The following XRCC4 variants were observed in gnomAD, a reference collection of about 807,000 sequenced individuals.
XRCC4 encodes the protein X-ray repair cross complementing 4, also known as DNA repair protein XRCC4.
In XRCC4, 28 loss-of-function variants were observed where a neutral mutation model predicts 39.1. The observed-to-expected ratio is 0.72, with a 90% confidence interval of 0.53 to 0.98. The LOEUF (loss-of-function observed/expected upper bound fraction) is 0.98, where lower values mean the gene tolerates loss of function less well. Among genes scored for constraint, XRCC4 ranks in the 50% least tolerant of loss-of-function variants. XRCC4 has a pLI of 0.00. For synonymous variants in XRCC4, 123 were observed against 126.4 expected (o/e 0.97, Z 0.18); for missense variants, 350 against 376.4 (o/e 0.93, Z 0.58).
At chr5:83,234,192 C>T (rs1281483842) in intron 6 of XRCC4, among the ~76,000 whole-genome samples, 3 of 152,138 alleles carry the variant, frequency 2.0e-5, no homozygotes, top group East Asian at 1.9e-4. Context: ...GGAAAGTCTA[C>T]AATGTGCCAG....
chr5:83,140,882 C>T (rs2112517632), intron 3 of XRCC4, among the ~76,000 whole-genome samples: 1 of 152,214 alleles, frequency 6.6e-6, no homozygotes, highest in African/African-American at 2.4e-5. Context: ...CAGAGATGTG[C>T]CACTGCACTC....
In XRCC4 at chr5:83,118,526, TTTTACTATTATG is replaced by T. The variant is rs1353799960; in HGVS notation, c.315+7326_315+7337del. 2.6e-5 allele frequency among the ~76,000 whole-genome samples: 4 copies of T among 152,316 alleles called. No individual in the cohort carries two copies. The East Asian group carries it at 7.7e-4, about 29-fold the overall frequency. ...TCATAGTCCAAGATGACTTGTCTAGTTTTACTATTATGTTCACCTTTGAGGCAGCAGGACCCA... is the reference window on the plus strand; with the variant it reads ...TCATAGTCCAAGATGACTTGTCTAGTTTCACCTTTGAGGCAGCAGGACCCA... On this transcript the variant is annotated intron_variant, in intron 3 of 7. Transcript: ENST00000396027.
At chr5:83,341,437 G>A (rs79761441) in intron 7 of XRCC4, among the ~76,000 whole-genome samples, 1 of 152,032 alleles carries the variant, frequency 6.6e-6, no homozygotes, top group Non-Finnish European at 1.5e-5. Context: ...CTAATTAACA[G>A]GTTTCCCAAT....
intron 7 of XRCC4, among the ~76,000 whole-genome samples, chr5:83,305,544 T>C (rs1175318305): frequency 1.3e-5 from 2 of 151,812 alleles, no homozygotes; most frequent in African/African-American, 2.4e-5. Flanking sequence ...TTCAAAGAAC[T>C]TCTGTTCTGA....
intron 7 of XRCC4, among the ~76,000 whole-genome samples, chr5:83,295,317 A>G (rs1009614238): frequency 3.3e-5 from 5 of 152,074 alleles, no homozygotes; most frequent in African/African-American, 7.2e-5. Flanking sequence ...TGATATGCAT[A>G]TAGAATAATC....
chr5:83,080,785 C>T (rs536721663), intron 1 of XRCC4, among the ~76,000 whole-genome samples: 13 of 152,190 alleles, frequency 8.5e-5, no homozygotes, highest in South Asian at 2.1e-4. Flanking sequence ...AGAGTAACGA[C>T]GCTGGCAATT....
chr5:83,327,637 G>A (rs1756307693), intron 7 of XRCC4, among the ~76,000 whole-genome samples: 1 of 151,936 alleles, frequency 6.6e-6, no homozygotes, highest in Admixed American at 6.6e-5. Context: ...TTGTCAATCA[G>A]TTATCAATAA....
At chr5:83,261,452 G>C (rs1753746005) in intron 7 of XRCC4, among the ~76,000 whole-genome samples, 1 of 151,820 alleles carries the variant, frequency 6.6e-6, no homozygotes, top group African/African-American at 2.4e-5. Context: ...CTAAACTTAA[G>C]TTTCCTAGGC....
chr5:83,094,282 C>T (rs1277733253), intron 1 of XRCC4, among the ~76,000 whole-genome samples: 2 of 140,790 alleles, frequency 1.4e-5, no homozygotes, highest in Non-Finnish European at 3.1e-5. Context: ...CATAGGCTCC[C>T]CTCCCCTCCT....
chr5:83,190,587 T>C (rs1336936520), intron 3 of XRCC4, among the ~76,000 whole-genome samples: 1 of 152,206 alleles, frequency 6.6e-6, no homozygotes, highest in South Asian at 2.1e-4. Flanking sequence ...ACTTTGATAA[T>C]ATATTGAAAC....
chr5:83,277,033 T>C (rs963691555), intron 7 of XRCC4, among the ~76,000 whole-genome samples: 8 of 151,722 alleles, frequency 5.3e-5, no homozygotes, highest in African/African-American at 1.9e-4. Context: ...ACATAATTTA[T>C]TTATTTAAAT....
chr5:83,330,747 T>G (rs531825210), intron 7 of XRCC4, among the ~76,000 whole-genome samples: 3 of 152,156 alleles, frequency 2.0e-5, no homozygotes, highest in African/African-American at 7.2e-5. Context: ...AAATATTACA[T>G]AAAATATTTT....
chr5:83,216,349 C>T (rs1414607340), intron 6 of XRCC4, among the ~76,000 whole-genome samples: 1 of 152,172 alleles, frequency 6.6e-6, no homozygotes, highest in Non-Finnish European at 1.5e-5. Context: ...CTTGAATCCT[C>T]ATACATTTCT....
chr5:83,187,186 G>A lies in XRCC4; in HGVS notation c.316-8584G>A, dbSNP rs1437358414. On this transcript the variant is annotated intron_variant, in intron 3 of 7. Coordinates refer to ENST00000396027, the MANE Select transcript of XRCC4 (RefSeq NM_003401.5). Reference sequence around the variant, plus strand: ...TCTCGATCTCCTGACCTCATGATCCGCCCGCCTCTGCCTCCCAAAGTGCTG... The same window carrying A: ...TCTCGATCTCCTGACCTCATGATCCACCCGCCTCTGCCTCCCAAAGTGCTG... Among the ~76,000 whole-genome samples, 2 of 138,306 alleles carry A rather than the reference G, an allele frequency of 1.4e-5. 1 individual carries two copies. The highest frequency in any genetic ancestry group is 1.4e-4 in the Admixed American group (2 of 14,158). The allele number at this position is 138,306 out of a possible 152,430, so 90.7% of individuals were successfully genotyped here.
At chr5:83,309,296 A>AAAAAAAAAATATATAT (rs1561467702) in intron 7 of XRCC4, among the ~76,000 whole-genome samples, 1 of 72,228 alleles carries the variant, frequency 1.4e-5, no homozygotes, top group Non-Finnish European at 2.1e-5. Context: ...AAAAAAAAAA[A>AAAAAAAAAATATATAT]ATATATATAT....
At chr5:83,176,048 A>G (rs1370051680) in intron 3 of XRCC4, among the ~76,000 whole-genome samples, 1 of 151,898 alleles carries the variant, frequency 6.6e-6, no homozygotes, top group Non-Finnish European at 1.5e-5. Flanking sequence ...TAATAATAAT[A>G]ATAATGATTT....
the XRCC4 span, among the ~76,000 whole-genome samples, chr5:83,367,258 TAC>T: frequency 2.0e-5 from 3 of 152,224 alleles, no homozygotes; most frequent in South Asian, 6.2e-4. Flanking sequence ...TTGTCTAAAG[TAC>T]AACATCAGAC....
chr5:83,190,381 A>G (rs939618594), intron 3 of XRCC4, among the ~76,000 whole-genome samples: 4 of 152,188 alleles, frequency 2.6e-5, no homozygotes, highest in Non-Finnish European at 4.4e-5. Flanking sequence ...TTTAGTATAC[A>G]TATATCTTGA....
At chr5:83,093,265 A>T (rs1192152559) in intron 1 of XRCC4, among the ~76,000 whole-genome samples, 1 of 152,216 alleles carries the variant, frequency 6.6e-6, no homozygotes, top group Non-Finnish European at 1.5e-5. Flanking sequence ...AAGAGGCTAT[A>T]ACAATTATAA....
Sources: allele counts gnomAD v4.1 joint callset (sites outside exome capture counted in the v4.1 genomes callset), GRCh38; gene constraint gnomAD v4.1.1; transcripts MANE v1.5; gene names NCBI Gene and HGNC (gene_info 2026-07-23, HGNC 2026-07-21).